The following FIBCD1 variants were observed in gnomAD, a reference collection of about 807,000 sequenced individuals.
The protein encoded by FIBCD1 is fibrinogen C domain containing 1.
A neutral mutation model predicts 45.1 loss-of-function variants in FIBCD1; 47 were observed. That is an observed-to-expected ratio of 1.04 (90% CI 0.82 to 1.33). FIBCD1 has a LOEUF of 1.33. Among genes scored for constraint, FIBCD1 ranks in the 40% most tolerant of loss-of-function variants. The probability of loss-of-function intolerance (pLI) is 0.00; values close to 1 mark genes in which losing one functional copy is unlikely to be tolerated. For missense variants in FIBCD1, 653 were observed against 682.2 expected (o/e 0.96, Z 0.48); for synonymous variants, 313 against 308.1 (o/e 1.02, Z -0.17).
chr9:130,930,587 C>A (rs988783879), intron 1 of FIBCD1, among the ~76,000 whole-genome samples: 1 of 152,072 alleles, frequency 6.6e-6, no homozygotes, highest in African/African-American at 2.4e-5. Context: ...CACCTCCCCC[C>A]ATGCCCTGCA....
Position 130,922,412 on chromosome 9 carries a change from T to C in FIBCD1, c.849+1332A>G, listed in dbSNP as rs1337806882. The stretch of plus-strand genomic sequence containing the variant: ...TGCTTGCAGTTAAGAGGTCTAAGGA[T>C]GTAGGTGGGCATCCCCGTTTCACAG... On this transcript the variant is annotated intron_variant, in intron 4 of 6. Transcript: ENST00000372338. This position sits in a 1 kb window ranked among gnomAD's most constrained non-coding sequence, Gnocchi z 4.5. Among the ~76,000 whole-genome samples, 2 of 152,084 alleles carry C rather than the reference T, an allele frequency of 1.3e-5. No individual in the cohort carries two copies. Among genetic ancestry groups the C allele is most frequent in the East Asian group, 1.9e-4 (1 of 5,182 alleles).
rs753743238 is a variant in FIBCD1, at chr9:130,924,245, C to T, written c.704G>A (p.Cys235Tyr). 1.9e-6 allele frequency: 3 copies of T among 1,592,628 alleles called. No individual in the cohort carries two copies. The highest frequency in any genetic ancestry group is 1.9e-4 in the Middle Eastern group (1 of 5,148). The change falls in exon 3 of 7, where the codon TGT (cysteine) becomes TAT (tyrosine). Residue 235 changes from cysteine to tyrosine, a missense_variant. Transcript: ENST00000372338. Reference sequence around the variant, plus strand: ...GGCCCTGCCCCACTCACCAGTGGCACAGCCCCGGGGCCGGGTTCCCCGGGC... The same window carrying T: ...GGCCCTGCCCCACTCACCAGTGGCATAGCCCCGGGGCCGGGTTCCCCGGGC... ...APARGTRPRG[C>Y]ATGSRPRDCL...
intron 2 of FIBCD1, among the ~76,000 whole-genome samples, chr9:130,928,328 G>A (rs569348266): frequency 1.3e-5 from 2 of 152,286 alleles, no homozygotes; most frequent in South Asian, 4.1e-4. Flanking sequence ...TCTAAGGGTG[G>A]GCCTTCATGA....
At chr9:130,933,399 C>T (rs1394268394) in intron 1 of FIBCD1, among the ~76,000 whole-genome samples, 1 of 152,070 alleles carries the variant, frequency 6.6e-6, no homozygotes, top group East Asian at 1.9e-4. Flanking sequence ...ACACAGAGCC[C>T]CCAGCTCCCA....
Position 130,927,768 on chromosome 9 carries a change from G to A in FIBCD1, c.552+1799C>T, listed in dbSNP as rs371432912. On this transcript the variant is annotated intron_variant, in intron 2 of 6. Transcript: ENST00000372338. ...ACTGCAACCTCTGCCTTCCGGGTTC[G>A]AGCAATTTCCCTGCCTCAGCCTCCT... Among the ~76,000 whole-genome samples the A allele has an allele frequency of 7.2e-5, 11 of 152,178 alleles. No individual in the cohort carries two copies. The East Asian group carries it at 1.2e-3, about 16-fold the overall frequency.
chr9:130,927,382 TGA>T (rs1832378840), intron 2 of FIBCD1, among the ~76,000 whole-genome samples: 1 of 152,190 alleles, frequency 6.6e-6, no homozygotes, highest in Non-Finnish European at 1.5e-5. Context: ...ATCCCCCACG[TGA>T]CAGAGCCAGC....
At chr9:130,904,482 C>A (rs967152305) in intron 6 of FIBCD1, among the ~76,000 whole-genome samples, 159 bp from the exon 7 acceptor site, 1 of 152,140 alleles carries the variant, frequency 6.6e-6, no homozygotes, top group Admixed American at 6.5e-5. Context: ...CGCGTGCAAG[C>A]GCACCTGCCC....
At chr9:130,919,316 C>A (rs1283553435) in intron 4 of FIBCD1, among the ~76,000 whole-genome samples, 3 of 152,232 alleles carry the variant, frequency 2.0e-5, no homozygotes, top group Non-Finnish European at 4.4e-5. Flanking sequence ...ATTCCCCAGG[C>A]AGGGTGTGGG....
chr9:130,910,980 C>G (rs962879998), intron 5 of FIBCD1, among the ~76,000 whole-genome samples: 4 of 152,172 alleles, frequency 2.6e-5, no homozygotes, highest in Non-Finnish European at 5.9e-5. Flanking sequence ...ACCAATCAGC[C>G]CCCTGTCAAA....
At chr9:130,908,004 A>C (rs1831965779) in intron 5 of FIBCD1, among the ~76,000 whole-genome samples, 2 of 150,704 alleles carry the variant, frequency 1.3e-5, no homozygotes, top group Non-Finnish European at 1.5e-5. Flanking sequence ...AGGGGCTAAA[A>C]CCCAGAAAAG....
chr9:130,931,369 A>C (rs557135238), intron 1 of FIBCD1, among the ~76,000 whole-genome samples: 1 of 152,146 alleles, frequency 6.6e-6, no homozygotes, highest in Non-Finnish European at 1.5e-5. Flanking sequence ...TTAGCTGGGC[A>C]TGGTGGCACA....
chr9:130,937,145 T>A (rs1262183274), intron 1 of FIBCD1, among the ~76,000 whole-genome samples: 1 of 152,066 alleles, frequency 6.6e-6, no homozygotes, highest in Non-Finnish European at 1.5e-5. Context: ...AGGGATGGCC[T>A]TGGAGGACAG....
chr9:130,936,898 AG>A (rs1414982217), intron 1 of FIBCD1, among the ~76,000 whole-genome samples: 2 of 151,792 alleles, frequency 1.3e-5, no homozygotes, highest in East Asian at 3.9e-4. Flanking sequence ...ACAGGGCATC[AG>A]GAAGTCTTCC....
At position 130,929,592 on chromosome 9, in the gene FIBCD1, T is replaced by C. The variant is rs1393098831; in HGVS notation, c.527A>G (p.Gln176Arg). The C allele has an allele frequency of 2.6e-6, 4 of 1,513,064 alleles. No individual in the cohort carries two copies. The African/African-American group carries it at 4.2e-5, about 16-fold the overall frequency. The allele number at this position is 1,513,064 out of a possible 1,614,324, so 93.7% of individuals were successfully genotyped here. A position where few individuals can be genotyped will look rare whatever the true frequency, so the allele number is the denominator to read the frequency against. ...CTGGATGAGGCGGCCCTGCTCACTC[T>C]GCAGGGCGCTGAGGCCCTGGCCCAG... ...GTLGQGLSALQSEQGRLIQLL... is the reference protein window; with the variant it reads ...GTLGQGLSALRSEQGRLIQLL... The change falls in exon 2 of 7, where the codon CAG (glutamine) becomes CGG (arginine). Residue 176 changes from glutamine to arginine, a missense_variant. Coordinates refer to ENST00000372338, the MANE Select transcript of FIBCD1 (RefSeq NM_032843.5).
intron 1 of FIBCD1, among the ~76,000 whole-genome samples, chr9:130,935,569 G>A (rs1033067856): frequency 2.0e-5 from 3 of 152,232 alleles, no homozygotes; most frequent in Admixed American, 6.5e-5. Flanking sequence ...AGAAATGGCT[G>A]CACTTGGACA....
chr9:130,904,837 C>G (rs2133064614), intron 6 of FIBCD1, among the ~76,000 whole-genome samples: 1 of 152,296 alleles, frequency 6.6e-6, no homozygotes, highest in Non-Finnish European at 1.5e-5. Context: ...CAGCCTTGAC[C>G]CTGACCCCAG....
At chr9:130,911,050 A>G (rs914690623) in intron 5 of FIBCD1, among the ~76,000 whole-genome samples, 4 of 152,190 alleles carry the variant, frequency 2.6e-5, no homozygotes, top group Non-Finnish European at 5.9e-5. Flanking sequence ...AGAGAATAAA[A>G]GCAGGCTGCC....
At position 130,926,419 on chromosome 9, in the gene FIBCD1, G is replaced by A. The variant is rs1199805655; in HGVS notation, c.553-2023C>T. Among the ~76,000 whole-genome samples the A allele has an allele frequency of 1.3e-5, 2 of 152,266 alleles. No homozygotes were observed. The highest frequency in any genetic ancestry group is 2.9e-5 in the Non-Finnish European group (2 of 68,042). ...GCGCATCAGGGGAGGGCTGGACAGC[G>A]CTTAGCGGTAGTGGTGTCAGAGCTG... On this transcript the variant is annotated intron_variant, in intron 2 of 6. Transcript: ENST00000372338. This position sits in a 1 kb window ranked among gnomAD's most constrained non-coding sequence, Gnocchi z 4.1.
intron 4 of FIBCD1, among the ~76,000 whole-genome samples, chr9:130,912,536 G>A (rs909520057): frequency 1.2e-4 from 18 of 151,708 alleles, no homozygotes; most frequent in African/African-American, 3.6e-4. Context: ...GGGAAACCCC[G>A]TCTCTACTGA....
Sources: allele counts gnomAD v4.1 joint callset (sites outside exome capture counted in the v4.1 genomes callset), GRCh38; gene constraint gnomAD v4.1.1; non-coding constraint Gnocchi (gnomAD v3.1); transcripts MANE v1.5; gene names NCBI Gene and HGNC (gene_info 2026-07-23, HGNC 2026-07-21).